The following NRG3 variants were observed in gnomAD, a reference collection of about 807,000 sequenced individuals.
The protein encoded by NRG3 is neuregulin 3, also known as pro-neuregulin-3, membrane-bound isoform.
In NRG3, 31 loss-of-function variants were observed where a neutral mutation model predicts 66.9. The ratio of observed to expected loss-of-function variants is 0.46; its 90% CI spans 0.35 to 0.63. The LOEUF (loss-of-function observed/expected upper bound fraction) is 0.63, where lower values mean the gene tolerates loss of function less well. Among genes scored for constraint, NRG3 ranks in the 20% least tolerant of loss-of-function variants. The pLI, the probability that NRG3 is intolerant of heterozygous loss-of-function variation, is 0.00. For missense variants in NRG3, 910 were observed against 878.9 expected (o/e 1.04, Z -0.45); for synonymous variants, 393 against 359.4 (o/e 1.09, Z -1.06).
chr10:82,100,488 C>G (rs2066662419), intron 1 of NRG3, among the ~76,000 whole-genome samples: 2 of 151,992 alleles, frequency 1.3e-5, no homozygotes, highest in African/African-American at 4.8e-5. Flanking sequence ...TTCAGTCTTT[C>G]AACTTTAAAT....
At chr10:82,661,428 A>G (rs1458660855) in intron 2 of NRG3, among the ~76,000 whole-genome samples, 2 of 151,932 alleles carry the variant, frequency 1.3e-5, no homozygotes, top group South Asian at 2.1e-4. Flanking sequence ...GTAATATTAC[A>G]TATGTGATAT....
intron 1 of NRG3, among the ~76,000 whole-genome samples, chr10:82,051,334 G>A (rs2063582357): frequency 6.6e-6 from 1 of 152,068 alleles, no homozygotes; most frequent in Non-Finnish European, 1.5e-5. Context: ...TTGAAGCAAG[G>A]TATTTCTGTT....
intron 2 of NRG3, among the ~76,000 whole-genome samples, chr10:82,612,934 A>G (rs2048400553): frequency 6.6e-6 from 1 of 152,224 alleles, no homozygotes; most frequent in South Asian, 2.1e-4. Context: ...AGCATTACTA[A>G]TATCTCTTAG....
intron 2 of NRG3, among the ~76,000 whole-genome samples, chr10:82,623,110 A>C (rs2049154098): frequency 6.6e-6 from 1 of 152,122 alleles, no homozygotes; most frequent in Non-Finnish European, 1.5e-5. Context: ...GGGTACCACT[A>C]ATCACAATGG....
intron 2 of NRG3, among the ~76,000 whole-genome samples, chr10:82,556,656 T>G (rs2044671357): frequency 6.6e-6 from 1 of 152,186 alleles, no homozygotes; most frequent in Admixed American, 6.5e-5. Flanking sequence ...TTTAAACTTT[T>G]AGGTTCAGGG....
intron 1 of NRG3, among the ~76,000 whole-genome samples, chr10:82,023,787 A>G (rs1349063075): frequency 6.6e-6 from 1 of 152,006 alleles, no homozygotes; most frequent in African/African-American, 2.4e-5. Context: ...ATCCATGTCC[A>G]TCAGGAGTAT....
chr10:81,907,467 A>G (rs1436462213), intron 1 of NRG3, among the ~76,000 whole-genome samples: 2 of 152,172 alleles, frequency 1.3e-5, no homozygotes, highest in African/African-American at 4.8e-5. Flanking sequence ...CACACACCTT[A>G]TTGAGTGATT....
chr10:82,619,779 A>AGGAT (rs923208660), intron 2 of NRG3, among the ~76,000 whole-genome samples: 7 of 152,252 alleles, frequency 4.6e-5, no homozygotes, highest in Admixed American at 1.3e-4. Context: ...ACATAGAGGA[A>AGGAT]GGATCGTGTG....
chr10:82,187,403 A>C (rs982332617), intron 1 of NRG3, among the ~76,000 whole-genome samples: 2 of 152,200 alleles, frequency 1.3e-5, no homozygotes, highest in Non-Finnish European at 2.9e-5. Context: ...GATTTTTAAC[A>C]GTTATTTTAA....
intron 2 of NRG3, among the ~76,000 whole-genome samples, chr10:82,645,780 T>C (rs2050889082): frequency 6.6e-6 from 1 of 152,188 alleles, no homozygotes; most frequent in Admixed American, 6.5e-5. Context: ...AGTGTTGTAT[T>C]GAGACCTGCC....
At chr10:82,783,650 G>T (rs968631056) in intron 3 of NRG3, among the ~76,000 whole-genome samples, 14 of 152,074 alleles carry the variant, frequency 9.2e-5, no homozygotes, top group Non-Finnish European at 1.3e-4. Context: ...CAACTTACAA[G>T]GGACGTGAAG....
chr10:82,806,473 T>A (rs1168821064), intron 3 of NRG3, among the ~76,000 whole-genome samples: 1 of 152,230 alleles, frequency 6.6e-6, no homozygotes, highest in African/African-American at 2.4e-5. Flanking sequence ...GTAGAGCATG[T>A]ATGAGGTATT....
chr10:82,461,182 C>T (rs1179748505), intron 2 of NRG3, among the ~76,000 whole-genome samples: 1 of 151,932 alleles, frequency 6.6e-6, no homozygotes, highest in Non-Finnish European at 1.5e-5. Context: ...TCATCAACAC[C>T]ATCACCACCA....
chr10:82,723,746 G>A (rs1049234014), intron 2 of NRG3, among the ~76,000 whole-genome samples: 2 of 152,114 alleles, frequency 1.3e-5, no homozygotes, highest in East Asian at 1.9e-4. Flanking sequence ...TTGGGAGGCC[G>A]AGGTGGGCAG....
At chr10:81,927,658 C>G (rs1274205813) in intron 1 of NRG3, among the ~76,000 whole-genome samples, 1 of 152,140 alleles carries the variant, frequency 6.6e-6, no homozygotes, top group Non-Finnish European at 1.5e-5. Flanking sequence ...TAAACTCCCT[C>G]TCACCCTTGC....
At chr10:82,682,868 T>G (rs2134134610) in intron 2 of NRG3, among the ~76,000 whole-genome samples, 2 of 152,002 alleles carry the variant, frequency 1.3e-5, no homozygotes, top group Non-Finnish European at 2.9e-5. Flanking sequence ...TTGCAAATTA[T>G]GCTGTGGGGA....
chr10:82,300,126 A>G (rs2080309584), intron 1 of NRG3, among the ~76,000 whole-genome samples: 1 of 152,230 alleles, frequency 6.6e-6, no homozygotes, highest in African/African-American at 2.4e-5. Flanking sequence ...TAGTTTGGGG[A>G]TTAATATTTG....
At chr10:81,914,769 C>CAA (rs58460918) in intron 1 of NRG3, among the ~76,000 whole-genome samples, 7 of 67,180 alleles carry the variant, frequency 1.0e-4, no homozygotes, top group South Asian at 5.9e-4. Flanking sequence ...AAACAGAAAG[C>CAA]AAAAAAAAAA....
At chr10:82,053,048 AAATT>A (rs66864007) in intron 1 of NRG3, among the ~76,000 whole-genome samples, 36,444 of 151,842 alleles carry the variant, frequency 0.24, 4,470 homozygotes, top group Middle Eastern at 0.33. Flanking sequence ...TTCATTTATC[AAATT>A]AATTATTCAT....
Sources: gnomAD v4.1 joint callset for allele counts (sites outside exome capture counted in the v4.1 genomes callset) on GRCh38, gnomAD v4.1.1 for gene constraint, MANE v1.5 for transcripts, NCBI Gene and HGNC (gene_info 2026-07-23, HGNC 2026-07-21) for gene names.